FSTL4: variants seen among roughly 807,000 people sequenced by gnomAD.
FSTL4 encodes the protein follistatin like 4.
Under a neutral mutation model 78.2 loss-of-function variants are expected in FSTL4, and 28 were observed. The observed-to-expected ratio is 0.36, with a 90% confidence interval of 0.27 to 0.49. FSTL4 has a LOEUF of 0.49. Ranked by LOEUF, FSTL4 falls within the 20% of genes least tolerant of loss-of-function variation. FSTL4 has a pLI of 0.98. For synonymous variants in FSTL4, 422 were observed against 440.5 expected (o/e 0.96, Z 0.53); for missense variants, 922 against 1,084.9 (o/e 0.85, Z 2.11).
At chr5:133,251,901 G>T (rs931965477) in intron 6 of FSTL4, among the ~76,000 whole-genome samples, 1 of 152,186 alleles carries the variant, frequency 6.6e-6, no homozygotes, top group African/African-American at 2.4e-5. Flanking sequence ...ATCCTGACCC[G>T]CGAGTACACC....
chr5:133,666,556 C>G, the FSTL4 span, among the ~76,000 whole-genome samples: 4 of 150,540 alleles, frequency 2.7e-5, no homozygotes, highest in East Asian at 7.8e-4. Flanking sequence ...AACGTTAAAG[C>G]TTTTTCTCAA....
intron 2 of FSTL4, among the ~76,000 whole-genome samples, chr5:133,596,282 A>G (rs1374306722): frequency 6.6e-6 from 1 of 152,172 alleles, no homozygotes; most frequent in Admixed American, 6.5e-5. Context: ...CTGGGGCTGA[A>G]GCGTGGGTTG....
intron 3 of FSTL4, among the ~76,000 whole-genome samples, chr5:133,516,291 G>GA (rs555126398): frequency 9.9e-5 from 15 of 151,886 alleles, no homozygotes; most frequent in African/African-American, 3.6e-4. Flanking sequence ...ATATTTTCTG[G>GA]AAAAAAATCT....
At chr5:133,616,261 C>T (rs769056769), upstream of FSTL4, among the ~76,000 whole-genome samples, 6 of 151,506 alleles carry the variant, frequency 4.0e-5, no homozygotes, top group Non-Finnish European at 8.8e-5. Flanking sequence ...TTATCATGAC[C>T]CTGTTTTCCA....
At chr5:133,634,784 G>A in the FSTL4 span, among the ~76,000 whole-genome samples, 1 of 152,136 alleles carries the variant, frequency 6.6e-6, no homozygotes, top group Non-Finnish European at 1.5e-5. Flanking sequence ...ATAACTACAT[G>A]ATAAGGTTCT....
the FSTL4 span, among the ~76,000 whole-genome samples, chr5:133,669,418 C>T: frequency 6.6e-6 from 1 of 152,230 alleles, no homozygotes; most frequent in Non-Finnish European, 1.5e-5. Flanking sequence ...AGGAGGGCAA[C>T]ATGCTCTGTG....
the FSTL4 span, among the ~76,000 whole-genome samples, chr5:133,748,187 C>T: frequency 4.0e-5 from 6 of 149,042 alleles, no homozygotes; most frequent in South Asian, 4.3e-4. Context: ...AACGAGACTC[C>T]GTCTCAAAAA....
At chr5:133,594,575 G>A (rs1238246551) in intron 2 of FSTL4, among the ~76,000 whole-genome samples, 1 of 152,222 alleles carries the variant, frequency 6.6e-6, no homozygotes, top group African/African-American at 2.4e-5. Context: ...AAGAAGAGGA[G>A]GCACCATGGG....
At chr5:133,247,109 G>A (rs557322397) in intron 7 of FSTL4, 5 of 152,354 alleles carry the variant, frequency 3.3e-5, no homozygotes, top group African/African-American at 9.6e-5. Context: ...TGTACACATC[G>A]GGCTTGGACC....
chr5:133,523,493 T>A (rs1281758668), intron 3 of FSTL4, among the ~76,000 whole-genome samples: 1 of 152,236 alleles, frequency 6.6e-6, no homozygotes, highest in Non-Finnish European at 1.5e-5. Flanking sequence ...ACCTACTTCT[T>A]CTTTAGAGAA....
At chr5:133,362,697 C>T (rs191516842) in intron 4 of FSTL4, among the ~76,000 whole-genome samples, 2 of 152,356 alleles carry the variant, frequency 1.3e-5, no homozygotes, top group East Asian at 3.9e-4. Context: ...CTGTCCAGAG[C>T]AGGCAAAAGA....
At chr5:133,668,375 G>A in the FSTL4 span, among the ~76,000 whole-genome samples, 4 of 152,156 alleles carry the variant, frequency 2.6e-5, no homozygotes, top group African/African-American at 9.7e-5. Flanking sequence ...TCAGGGGAGG[G>A]ATGTAAGTAA....
intron 6 of FSTL4, among the ~76,000 whole-genome samples, chr5:133,306,494 G>A (rs890464002): frequency 5.9e-5 from 9 of 152,150 alleles, no homozygotes; most frequent in Non-Finnish European, 1.0e-4. Context: ...TGAGAAGCAG[G>A]GGCTTCCCTC....
At chr5:133,746,471 GT>G in the FSTL4 span, among the ~76,000 whole-genome samples, 1 of 152,084 alleles carries the variant, frequency 6.6e-6, no homozygotes, top group Non-Finnish European at 1.5e-5. Flanking sequence ...ATGTAAATCA[GT>G]TTGTCTTCCG....
chr5:133,555,911 G>A (rs746421784), intron 3 of FSTL4, among the ~76,000 whole-genome samples: 1 of 152,162 alleles, frequency 6.6e-6, no homozygotes, highest in Non-Finnish European at 1.5e-5. Context: ...AATTAGTAAA[G>A]CGAATAGACT....
the FSTL4 span, among the ~76,000 whole-genome samples, chr5:133,672,897 A>G: frequency 6.6e-6 from 1 of 152,226 alleles, no homozygotes; most frequent in Admixed American, 6.5e-5. Flanking sequence ...TCCTGACGAC[A>G]TGTGCCCAAG....
intron 3 of FSTL4, among the ~76,000 whole-genome samples, chr5:133,507,462 G>C (rs1197016040): frequency 6.6e-6 from 1 of 151,730 alleles, no homozygotes; most frequent in Non-Finnish European, 1.5e-5. Context: ...ACTACGTACA[G>C]TCGGCCCTCT....
At chr5:133,606,536 T>C (rs1323892320) in intron 1 of FSTL4, among the ~76,000 whole-genome samples, 1 of 152,246 alleles carries the variant, frequency 6.6e-6, no homozygotes, top group African/African-American at 2.4e-5. Flanking sequence ...AGTGGATTTT[T>C]GGAATTTTTA....
At chr5:133,793,216 T>G in the FSTL4 span, among the ~76,000 whole-genome samples, 1 of 152,134 alleles carries the variant, frequency 6.6e-6, no homozygotes, top group Non-Finnish European at 1.5e-5. Flanking sequence ...CCTAACAGAA[T>G]AGACAGATCC....
Sources: gnomAD v4.1 joint callset for allele counts (sites outside exome capture counted in the v4.1 genomes callset) on GRCh38, gnomAD v4.1.1 for gene constraint, MANE v1.5 for transcripts, NCBI Gene and HGNC (gene_info 2026-07-23, HGNC 2026-07-21) for gene names.